The following CDC20B variants were observed in gnomAD, a reference collection of about 807,000 sequenced individuals.
CDC20B encodes the protein cell division cycle 20B.
In CDC20B, 58 loss-of-function variants were observed where a neutral mutation model predicts 64.1. The observed-to-expected ratio is 0.90, with a 90% CI of 0.73 to 1.13. CDC20B has a LOEUF of 1.13. Ranked by LOEUF, CDC20B falls within the 50% of genes most tolerant of loss-of-function variation. CDC20B has a pLI of 0.00. For missense variants in CDC20B, 597 were observed against 633.0 expected, an observed-to-expected ratio of 0.94 and a Z score of 0.61; for synonymous variants, 243 against 230.6, an observed-to-expected ratio of 1.05 and a Z score of -0.49.
At chr5:55,141,408 C>G (rs1743325127) in intron 4 of CDC20B, among the ~76,000 whole-genome samples, 1 of 152,240 alleles carries the variant, frequency 6.6e-6, no homozygotes, top group South Asian at 2.1e-4. Context: ...ACAGTGTCAA[C>G]AGGGCAATTA....
At chr5:55,119,057 A>G (rs1419763318) in intron 11 of CDC20B, among the ~76,000 whole-genome samples, 1 of 152,216 alleles carries the variant, frequency 6.6e-6, no homozygotes, top group Non-Finnish European at 1.5e-5. Context: ...ATAAATAATC[A>G]ATAAGTAAAC....
Position 55,121,301 on chromosome 5 carries a change from T to C in CDC20B, c.1216-751A>G, listed in dbSNP as rs568365298. 2.6e-5 allele frequency among the ~76,000 whole-genome samples: 4 copies of C among 152,254 alleles called. No homozygotes were observed. In the South Asian group the frequency reaches 6.2e-4, roughly 24 times the overall value. On this transcript the variant is annotated intron_variant, in intron 9 of 11. Coordinates refer to ENST00000381375, the MANE Select transcript of CDC20B (RefSeq NM_001170402.1). Reference sequence around the variant, plus strand: ...CAAACATCGTGTTTATACTATTTGATTATTTTCTGTTGTTTTCACCTATTG... The same window carrying C: ...CAAACATCGTGTTTATACTATTTGACTATTTTCTGTTGTTTTCACCTATTG...
chr5:55,142,606 A>C (rs1359744776), intron 4 of CDC20B, among the ~76,000 whole-genome samples: 4 of 152,114 alleles, frequency 2.6e-5, no homozygotes, highest in Non-Finnish European at 5.9e-5. Flanking sequence ...GAGTGTCAAT[A>C]ATCTGGCCCA....
chr5:55,114,535 A>G lies in CDC20B; in HGVS notation c.1460-217T>C, dbSNP rs149110408. ...TCTCCCTCAGTGCTCTTGCCCCTGT[A>G]TCAGTGTCCTGTGGCTGCCATAACA... is the stretch of plus-strand genomic sequence containing the variant. On this transcript the variant is annotated intron_variant, in intron 11 of 11. Coordinates refer to ENST00000381375, the MANE Select transcript of CDC20B (RefSeq NM_001170402.1). This position sits in a 1 kb window ranked among gnomAD's most constrained non-coding sequence, Gnocchi z 4.1. 1.5e-4 allele frequency among the ~76,000 whole-genome samples: 23 copies of G among 152,314 alleles called. No homozygotes were observed. The highest frequency in any genetic ancestry group is 6.2e-4 in the South Asian group (3 of 4,824).
chr5:55,167,151 G>A (rs1744438411), intron 2 of CDC20B: 1 of 152,220 alleles, frequency 6.6e-6, no homozygotes, highest in Admixed American at 6.5e-5. Flanking sequence ...CATTTTAACT[G>A]TGGTAACTAA....
chr5:55,125,271 T>C (rs1050912057), intron 8 of CDC20B, among the ~76,000 whole-genome samples: 1 of 152,304 alleles, frequency 6.6e-6, no homozygotes, highest in East Asian at 1.9e-4. Flanking sequence ...TGATAGATGT[T>C]TCTAATGACT....
Position 55,160,319 on chromosome 5 carries a change from A to C in CDC20B, c.126+12269T>G, listed in dbSNP as rs1743974457. ...TCTACAACTAAAATTCCTCAAACCT[A>C]AAATCAACAGCTTTTATGCCTTTGA... On this transcript the variant is annotated intron_variant, in intron 2 of 11. Transcript: ENST00000381375. 3 of 1,613,972 alleles carry C rather than the reference A, an allele frequency of 1.9e-6. No homozygotes were observed. The East Asian group carries it at 6.7e-5, about 36-fold the overall frequency.
chr5:55,128,304 C>T, intron 7 of CDC20B, 117 bp downstream of exon 7: 1 of 725,690 alleles, frequency 1.4e-6, no homozygotes, highest in Non-Finnish European at 2.1e-6. Context: ...CTTTTATTCC[C>T]CATACTTCAA....
intron 2 of CDC20B, chr5:55,164,008 A>G (rs1304666022): frequency 4.3e-6 from 6 of 1,379,870 alleles, no homozygotes; most frequent in Non-Finnish European, 5.9e-6. Flanking sequence ...GAAAATCTTG[A>G]CAAAGAATAA....
intron 2 of CDC20B, among the ~76,000 whole-genome samples, chr5:55,154,610 TA>T (rs751225085): frequency 6.6e-5 from 10 of 152,166 alleles, no homozygotes; most frequent in Non-Finnish European, 1.3e-4. Context: ...ACTTACTTTA[TA>T]TTGCTCCCTG....
In CDC20B at chr5:55,144,234, C is replaced by T. The variant is rs111444363; in HGVS notation, c.356-591G>A. Among the ~76,000 whole-genome samples, 540 of 152,218 alleles carry T rather than the reference C, an allele frequency of 3.5e-3. 5 individuals carry two copies. The highest frequency in any genetic ancestry group is 0.012 in the African/African-American group (515 of 41,540). On this transcript the variant is annotated intron_variant, in intron 3 of 11. Transcript: ENST00000381375. ...ATGTTTTAAAGATAGTTTAAGATGG[C>T]ATCAGTGAAATACTTTCTAAGTTAA...
At chr5:55,168,403 C>T (rs955717755) in intron 2 of CDC20B, among the ~76,000 whole-genome samples, 1 of 151,936 alleles carries the variant, frequency 6.6e-6, no homozygotes, top group Non-Finnish European at 1.5e-5. Context: ...TTTTTACCAT[C>T]CCTTTTCCCT....
At chr5:55,143,889 A>AT (rs1743399959) in intron 3 of CDC20B, among the ~76,000 whole-genome samples, 3 of 152,078 alleles carry the variant, frequency 2.0e-5, no homozygotes, top group African/African-American at 7.2e-5. Context: ...TTGTCACTCA[A>AT]TGAGAAAGCT....
At chr5:55,155,074 T>C (rs1016727172) in intron 2 of CDC20B, among the ~76,000 whole-genome samples, 2 of 151,938 alleles carry the variant, frequency 1.3e-5, no homozygotes, top group Non-Finnish European at 2.9e-5. Context: ...TATTTATTAA[T>C]AGAAAGGAAG....
intron 2 of CDC20B, chr5:55,161,345 CGTT>C (rs1744051852): frequency 8.0e-7 from 1 of 1,248,900 alleles, no homozygotes. Context: ...TCATTTGAAA[CGTT>C]GTATCGGGAA....
intron 2 of CDC20B, chr5:55,164,072 C>A: frequency 4.4e-6 from 7 of 1,588,752 alleles, no homozygotes; most frequent in Non-Finnish European, 6.0e-6. Context: ...AAAGAAGGAA[C>A]CAAGGTGGAA....
At chr5:55,129,730 A>G (rs892536989) in intron 6 of CDC20B, among the ~76,000 whole-genome samples, 3 of 152,260 alleles carry the variant, frequency 2.0e-5, no homozygotes, top group Non-Finnish European at 2.9e-5. Flanking sequence ...CTAGGCTCTG[A>G]TCCACATGTA....
chr5:55,144,080 C>T (rs534738111), intron 3 of CDC20B, among the ~76,000 whole-genome samples: 2 of 151,664 alleles, frequency 1.3e-5, no homozygotes, highest in South Asian at 4.2e-4. Context: ...GAAAGAGTAT[C>T]TGGTTTGCCC....
Position 55,120,444 on chromosome 5 carries a change from G to A in CDC20B, c.1322C>T (p.Thr441Ile), listed in dbSNP as rs267600654. The A allele has an allele frequency of 6.2e-7, 1 of 1,613,754 alleles. No individual in the cohort carries two copies. Among genetic ancestry groups the A allele is most frequent in the Non-Finnish European group, 8.5e-7 (1 of 1,179,778 alleles). The change falls in exon 10 of 12, where the codon ACC (threonine) becomes ATC (isoleucine). Residue 441 changes from threonine to isoleucine, a missense_variant. Transcript: ENST00000381375. ...LDINAGKSIQ[T>I]PSTNSQICSL... The stretch of plus-strand genomic sequence containing the variant: ...ATTAACCTGTGAGTTTGTGCTTGGG[G>A]TCTGGATGCTCTTCCCAGCATTTAT...
Sources: gnomAD v4.1 joint callset for allele counts (sites outside exome capture counted in the v4.1 genomes callset) on GRCh38, gnomAD v4.1.1 for gene constraint, Gnocchi (gnomAD v3.1) non-coding constraint, MANE v1.5 for transcripts, NCBI Gene and HGNC (gene_info 2026-07-23, HGNC 2026-07-21) for gene names.